Variants in DYNC2H1 observed in about 807,000 individuals in gnomAD.
DYNC2H1 encodes the protein dynein cytoplasmic 2 heavy chain 1, also known as cytoplasmic dynein 2 heavy chain 1.
Under a neutral mutation model 570.0 loss-of-function variants are expected in DYNC2H1, and 410 were observed. The ratio of observed to expected loss-of-function variants is 0.72; its 90% CI spans 0.66 to 0.78. DYNC2H1 has a LOEUF of 0.78. DYNC2H1 is among the 30% of genes least tolerant of loss of function. DYNC2H1 has a pLI of 0.00. For synonymous variants in DYNC2H1, 1,688 were observed against 1,677.6 expected (o/e 1.01, Z -0.15); for missense variants, 4,865 against 5,046.4 (o/e 0.96, Z 1.09).
At chr11:103,459,287 C>T (rs570905091) in intron 87 of DYNC2H1, among the ~76,000 whole-genome samples, 3 of 86,776 alleles carry the variant, frequency 3.5e-5, no homozygotes, top group East Asian at 3.9e-4. Flanking sequence ...CCAGCCTGGG[C>T]GACAGAGCGA....
Position 103,249,505 on chromosome 11 carries a change from C to T in DYNC2H1, c.10043-3780C>T, listed in dbSNP as rs1864750634. ...ACTCCAGAAGCCCACTTACTTACTA[C>T]ACCTCTTCTCCACAAGGATAACCAC... On this transcript the variant is annotated intron_variant, in intron 65 of 88. Transcript: ENST00000375735. This position sits in a 1 kb window ranked among gnomAD's most constrained non-coding sequence, Gnocchi z 4.6. Among the ~76,000 whole-genome samples the T allele has an allele frequency of 6.6e-6, 1 of 152,010 alleles. No individual in the cohort carries two copies. The highest frequency in any genetic ancestry group is 2.4e-5 in the African/African-American group (1 of 41,422).
chr11:103,322,382 T>G (rs1938255412), intron 81 of DYNC2H1, among the ~76,000 whole-genome samples: 1 of 152,158 alleles, frequency 6.6e-6, no homozygotes, highest in African/African-American at 2.4e-5. Context: ...TCCATGAATT[T>G]TCATACATAG....
intron 21 of DYNC2H1, among the ~76,000 whole-genome samples, chr11:103,152,518 T>C (rs986234978): frequency 1.3e-5 from 2 of 152,192 alleles, no homozygotes; most frequent in African/African-American, 4.8e-5. Flanking sequence ...GTAACATTAT[T>C]TGTAGGCCTG....
chr11:103,371,760 A>T (rs561248809), intron 83 of DYNC2H1, among the ~76,000 whole-genome samples: 1 of 152,220 alleles, frequency 6.6e-6, no homozygotes, highest in Non-Finnish European at 1.5e-5. Flanking sequence ...ATAGCTCACT[A>T]TTAGTGGATA....
At chr11:103,293,407 A>C (rs1458409491) in intron 75 of DYNC2H1, among the ~76,000 whole-genome samples, 1 of 152,020 alleles carries the variant, frequency 6.6e-6, no homozygotes, top group African/African-American at 2.4e-5. Context: ...TCTTATTTAG[A>C]TAGAATCTGT....
chr11:103,388,552 T>C (rs1164850051), intron 83 of DYNC2H1, among the ~76,000 whole-genome samples: 1 of 152,194 alleles, frequency 6.6e-6, no homozygotes, highest in Non-Finnish European at 1.5e-5. Context: ...TGAATAGGAA[T>C]GGTGAGAGAG....
chr11:103,141,120 A>G (rs930966459), intron 17 of DYNC2H1, among the ~76,000 whole-genome samples: 1 of 152,040 alleles, frequency 6.6e-6, no homozygotes, highest in Non-Finnish European at 1.5e-5. Context: ...AATTTTTTTC[A>G]AAGTTTTTAA....
chr11:103,136,246 T>C (rs1859542365), intron 17 of DYNC2H1, among the ~76,000 whole-genome samples: 1 of 151,538 alleles, frequency 6.6e-6, no homozygotes, highest in African/African-American at 2.4e-5. Context: ...ATTATTATTA[T>C]ACTTTAATTT....
rs554178347 is a variant in DYNC2H1 at position 103,245,365 on chromosome 11, G to C, written c.10033G>C (p.Val3345Leu). ...VLYPLLRRDL[V>L]AQGPRYVVQI... is the part of the protein sequence containing the mutation. ...TTATCCATTATTGAGACGAGATCTG[G>C]TTGCTCAAGGTAAATAATTGACACT... Residue 3345 changes from valine (V) to leucine (L), a missense_variant, in exon 65 of 89, where the codon GTT becomes CTT. Physicochemically the swap from Val to Leu is conservative, Grantham distance 32. Coordinates refer to ENST00000375735, the MANE Select transcript of DYNC2H1 (RefSeq NM_001377.3). The surrounding 1 kb of genome is among the most constrained non-coding windows in gnomAD (Gnocchi z 4.5). 5 of 1,583,192 alleles carry C rather than the reference G, an allele frequency of 3.2e-6. No homozygotes were observed. The highest frequency in any genetic ancestry group is 2.4e-5 in the South Asian group (2 of 85,106).
Position 103,131,301 on chromosome 11 carries a change from C to CT in DYNC2H1, c.1954-2244dup, listed in dbSNP as rs995625179. Among the ~76,000 whole-genome samples, 34 of 149,070 alleles carry CT rather than the reference C, an allele frequency of 2.3e-4. 1 individual carries two copies. Among genetic ancestry groups the CT allele is most frequent in the Middle Eastern group, 6.9e-3 (2 of 290 alleles). On this transcript the variant is annotated intron_variant, in intron 13 of 88. Transcript: ENST00000375735. ...TATATTTTTTACTTATCCCAATATT[C>CT]TTTTTTTTTTGAGATGGAGTCTAGC...
chr11:103,136,824 T>C (rs1859584763), intron 17 of DYNC2H1, among the ~76,000 whole-genome samples: 1 of 152,214 alleles, frequency 6.6e-6, no homozygotes, highest in Admixed American at 6.5e-5. Context: ...GTGGTTGAAC[T>C]AGTTTACAGT....
intron 82 of DYNC2H1, among the ~76,000 whole-genome samples, chr11:103,353,150 T>C (rs1591620272): frequency 6.6e-6 from 1 of 152,070 alleles, no homozygotes; most frequent in Non-Finnish European, 1.5e-5. Context: ...CTGTCAGGAC[T>C]TGGGGGAAGG....
chr11:103,468,663 C>G lies in DYNC2H1; in HGVS notation c.12723C>G (p.Ser4241Arg). Residue 4241 changes from serine (S) to arginine (R), a missense_variant, in exon 88 of 89, where the codon AGC becomes AGG. Ser to Arg is a moderately radical substitution (Grantham distance 110). Around this residue, in one of 5 missense-constraint regions of DYNC2H1, gnomAD observed 2,401 missense variants for 2,454.6 expected, o/e 0.98. Coordinates refer to ENST00000375735, the MANE Select transcript of DYNC2H1 (RefSeq NM_001377.3). ...QLSENQLDSP[S>R]VSSVLPCFMG... ...CTGAAAATCAGCTTGATTCTCCCAG[C>G]GTGTCATCAGTGCTCCCTTGTTTTA... is the stretch of plus-strand genomic sequence containing the variant. The G allele has an allele frequency of 6.2e-7, 1 of 1,613,648 alleles. No homozygotes were observed. Among genetic ancestry groups the G allele is most frequent in the Non-Finnish European group, 8.5e-7 (1 of 1,179,682 alleles).
rs889116892 is a variant in DYNC2H1 at position 103,434,311 on chromosome 11, A to C, written c.12367-1632A>C. On this transcript the variant is annotated intron_variant, in intron 84 of 88. Coordinates refer to ENST00000375735, the MANE Select transcript of DYNC2H1 (RefSeq NM_001377.3). ...CAAAAACCACAAACAAATCTTTTCA[A>C]GATAAGCCTTTCTTTCTATCTTAGG... Among the ~76,000 whole-genome samples, 3 of 152,114 alleles carry C rather than the reference A, an allele frequency of 2.0e-5. No homozygotes were observed. In the South Asian group the frequency reaches 6.2e-4, roughly 32 times the overall value.
At chr11:103,191,423 T>G (rs1862306909) in intron 45 of DYNC2H1, 94 bp from the exon 46 acceptor site, 2 of 791,766 alleles carry the variant, frequency 2.5e-6, no homozygotes, top group South Asian at 1.9e-5. Flanking sequence ...AGGTAGAAAT[T>G]GGTATTCCTC....
At chr11:103,348,709 T>A (rs565363828) in intron 82 of DYNC2H1, among the ~76,000 whole-genome samples, 2 of 152,152 alleles carry the variant, frequency 1.3e-5, no homozygotes, top group Non-Finnish European at 2.9e-5. Flanking sequence ...ATTGAAGATA[T>A]TAGTTTGTTT....
chr11:103,368,366 C>T (rs187861185), intron 83 of DYNC2H1, among the ~76,000 whole-genome samples: 18 of 152,072 alleles, frequency 1.2e-4, no homozygotes, highest in Non-Finnish European at 1.9e-4. Flanking sequence ...TACATTTTTT[C>T]ATACATCTGT....
intron 45 of DYNC2H1, among the ~76,000 whole-genome samples, chr11:103,191,293 C>A (rs994654726): frequency 6.6e-6 from 1 of 151,962 alleles, no homozygotes; most frequent in Non-Finnish European, 1.5e-5. Context: ...CCCCACTCAG[C>A]CTCTGAAAGT....
chr11:103,454,707 GTTGA>G (rs1273954890), intron 85 of DYNC2H1, among the ~76,000 whole-genome samples: 1 of 152,140 alleles, frequency 6.6e-6, no homozygotes, highest in African/African-American at 2.4e-5. Context: ...TGGAATATGA[GTTGA>G]TTATTTAAAA....
Sources: allele counts gnomAD v4.1 joint callset (sites outside exome capture counted in the v4.1 genomes callset), GRCh38; gene constraint gnomAD v4.1.1; regional missense constraint gnomAD v4.1.1; non-coding constraint Gnocchi (gnomAD v3.1); transcripts MANE v1.5; gene names NCBI Gene and HGNC (gene_info 2026-07-23, HGNC 2026-07-21).